Variants in MAOB observed in about 807,000 individuals in gnomAD.
The protein encoded by MAOB is monoamine oxidase B, also known as amine oxidase [flavin-containing] B.
Under a neutral mutation model 41.9 loss-of-function variants are expected in MAOB, and 15 were observed. That is an observed-to-expected ratio of 0.36 (90% CI 0.24 to 0.55). The LOEUF (loss-of-function observed/expected upper bound fraction) is 0.55. MAOB is among the 20% of genes least tolerant of loss of function. The pLI is 0.86. For synonymous variants in MAOB, 167 were observed against 144.2 expected (o/e 1.16, Z -1.13); for missense variants, 345 against 398.7 (o/e 0.87, Z 1.15).
At chrX:43,802,599 T>G (rs193225870) in intron 4 of MAOB, among the ~76,000 whole-genome samples, 209 of 111,886 alleles carry the variant, frequency 1.9e-3, no homozygotes, top group African/African-American at 6.5e-3. Context: ...ACTCATAAAT[T>G]TAACTATTTA....
At chrX:43,801,590 C>T (rs757458843) in intron 5 of MAOB, among the ~76,000 whole-genome samples, 4 of 112,308 alleles carry the variant, frequency 3.6e-5, no homozygotes, top group South Asian at 3.7e-4. Context: ...TCTATACAAG[C>T]CTTCACAATT....
intron 7 of MAOB, 57 bp from the exon 8 acceptor site, chrX:43,793,635 C>T: frequency 1.1e-6 from 1 of 939,407 alleles, no homozygotes; most frequent in Non-Finnish European, 1.5e-6. Flanking sequence ...GTTTTTTTCC[C>T]AATGATTCTC....
At chrX:43,837,772 T>C in intron 3 of MAOB, 1 of 310,544 alleles carries the variant, frequency 3.2e-6, no homozygotes, top group Non-Finnish European at 6.3e-6. Flanking sequence ...GCTGCTTACT[T>C]CCACCCACAG....
intron 12 of MAOB, among the ~76,000 whole-genome samples, chrX:43,770,066 G>T (rs892730221): frequency 9.0e-6 from 1 of 111,226 alleles, no homozygotes; most frequent in African/African-American, 3.3e-5. Flanking sequence ...AAGAATGAAA[G>T]ACTTATTCCC....
Position 43,780,351 on chromosome X carries a change from T to C in MAOB, c.1070A>G (p.Lys357Arg). 1 of 1,204,773 alleles carries C rather than the reference T, an allele frequency of 8.3e-7. No individual in the cohort carries two copies. ...HKARKLARLT[K>R]EERLKKLCEL... Reference sequence around the variant, plus strand: ...GCATTTCTTTTGTTACCTTTCCTCTTTGGTAAGACGTGCCAGTTTTCTGGC... The same window carrying C: ...GCATTTCTTTTGTTACCTTTCCTCTCTGGTAAGACGTGCCAGTTTTCTGGC... The change falls in exon 10 of 15, where the codon AAA becomes AGA. Residue 357 changes from lysine to arginine, a missense_variant. By Grantham distance (26) the Lys-to-Arg change is conservative (BLOSUM62 2). Transcript: ENST00000378069.
chrX:43,882,015 G>T (rs757046786), intron 1 of MAOB, among the ~76,000 whole-genome samples: 1 of 112,215 alleles, frequency 8.9e-6, no homozygotes, highest in East Asian at 2.9e-4. Flanking sequence ...TCAAAGTCTG[G>T]CCCCAGAGCT....
chrX:43,797,451 T>A (rs756734225), intron 5 of MAOB, among the ~76,000 whole-genome samples, 185 bp from the exon 6 acceptor site: 10 of 112,434 alleles, frequency 8.9e-5, no homozygotes, highest in African/African-American at 3.2e-4. Flanking sequence ...TATCAGATTA[T>A]TTTCCCTGTA....
At chrX:43,839,100 G>C in intron 2 of MAOB, 95 bp from the exon 3 acceptor site, 1 of 639,778 alleles carries the variant, frequency 1.6e-6, no homozygotes. Context: ...CATTTCACAA[G>C]TTATAGATAC....
intron 1 of MAOB, among the ~76,000 whole-genome samples, chrX:43,865,776 G>C (rs1223680120): frequency 9.5e-6 from 1 of 105,555 alleles, no homozygotes; most frequent in Non-Finnish European, 2.0e-5. Flanking sequence ...CTGACTCTTT[G>C]CCCAAAAGCT....
chrX:43,826,421 G>A (rs1417628330), intron 3 of MAOB, among the ~76,000 whole-genome samples: 1 of 112,234 alleles, frequency 8.9e-6, no homozygotes, highest in Non-Finnish European at 1.9e-5. Flanking sequence ...TTTACACAAG[G>A]AACATTTACC....
intron 3 of MAOB, among the ~76,000 whole-genome samples, chrX:43,821,624 T>C (rs2034881828): frequency 8.9e-6 from 1 of 111,847 alleles, no homozygotes; most frequent in African/African-American, 3.3e-5. Context: ...AATTGACTTC[T>C]AAAATAAAAG....
chrX:43,814,124 T>C (rs1284431304), intron 3 of MAOB, among the ~76,000 whole-genome samples: 2 of 110,783 alleles, frequency 1.8e-5, no homozygotes, highest in Non-Finnish European at 3.8e-5. Context: ...GATGGGAGCA[T>C]GAATGGACTG....
intron 2 of MAOB, among the ~76,000 whole-genome samples, chrX:43,842,279 A>G (rs899133903): frequency 5.3e-5 from 6 of 112,627 alleles, no homozygotes; most frequent in African/African-American, 1.9e-4. Context: ...AAAAGAAGAC[A>G]TGCAAATGGC....
At chrX:43,882,056 T>C (rs1032233401) in intron 1 of MAOB, among the ~76,000 whole-genome samples, 198 bp downstream of exon 1, 7 of 112,064 alleles carry the variant, frequency 6.2e-5, no homozygotes, top group African/African-American at 2.3e-4. Flanking sequence ...GGCCTCTGCG[T>C]CCGGGAACGC....
intron 3 of MAOB, among the ~76,000 whole-genome samples, chrX:43,813,804 C>T (rs1474773625): frequency 9.0e-6 from 1 of 111,473 alleles, no homozygotes; most frequent in African/African-American, 3.3e-5. Flanking sequence ...AAAGTCTGCT[C>T]TCCTGGGAGC....
intron 1 of MAOB, among the ~76,000 whole-genome samples, chrX:43,854,477 A>C (rs1202246454): frequency 3.6e-5 from 4 of 111,269 alleles, no homozygotes; most frequent in Non-Finnish European, 5.7e-5. Context: ...ACACATGGAC[A>C]CAGGGAGGGA....
At chrX:43,862,966 T>C (rs2035342244) in intron 1 of MAOB, among the ~76,000 whole-genome samples, 2 of 111,691 alleles carry the variant, frequency 1.8e-5, no homozygotes, top group Admixed American at 1.9e-4. Flanking sequence ...ATTTTTCACC[T>C]CCCAAGTTAG....
intron 3 of MAOB, among the ~76,000 whole-genome samples, chrX:43,831,637 G>A (rs886954058): frequency 6.3e-5 from 7 of 111,074 alleles, no homozygotes; most frequent in Non-Finnish European, 1.9e-5. Context: ...TAAAAAATAT[G>A]AGAATTGAAT....
At chrX:43,848,171 A>G (rs1569228991) in intron 1 of MAOB, among the ~76,000 whole-genome samples, 1 of 111,593 alleles carries the variant, frequency 9.0e-6, no homozygotes, top group Non-Finnish European at 1.9e-5. Context: ...TGGCAGTAAC[A>G]CAGAAGTGCC....
Sources: gnomAD v4.1 joint callset for allele counts (sites outside exome capture counted in the v4.1 genomes callset) on GRCh38, gnomAD v4.1.1 for gene constraint, MANE v1.5 for transcripts, NCBI Gene and HGNC (gene_info 2026-07-23, HGNC 2026-07-21) for gene names.